The following SPEF2 variants were observed in gnomAD, a reference collection of about 807,000 sequenced individuals.
SPEF2 encodes the protein sperm flagellar and cilia associated 2.
In SPEF2, 187 loss-of-function variants were observed where a neutral mutation model predicts 224.6. That is an observed-to-expected ratio of 0.83 (90% CI 0.74 to 0.94). The LOEUF (loss-of-function observed/expected upper bound fraction) is 0.94. Ranked by LOEUF, SPEF2 falls within the 40% of genes least tolerant of loss-of-function variation. The pLI is 0.00. For missense variants in SPEF2, 2,170 were observed against 2,135.6 expected, an observed-to-expected ratio of 1.02 and a Z score of -0.32; for synonymous variants, 715 against 707.3, an observed-to-expected ratio of 1.01 and a Z score of -0.17.
chr5:35,658,870 A>AT (rs1425124994), intron 7 of SPEF2, 149 bp from the exon 8 acceptor site: 45 of 538,848 alleles, frequency 8.4e-5, no homozygotes, highest in South Asian at 1.8e-4. Flanking sequence ...TCATAACATG[A>AT]TTTTTTTTGC....
intron 21 of SPEF2, among the ~76,000 whole-genome samples, chr5:35,737,697 A>G (rs563388614): frequency 6.6e-6 from 1 of 152,334 alleles, no homozygotes; most frequent in African/African-American, 2.4e-5. Context: ...TCTTTATAGC[A>G]GCATGATTGA....
chr5:35,806,222 A>G (rs577291061), intron 34 of SPEF2, among the ~76,000 whole-genome samples: 1 of 152,308 alleles, frequency 6.6e-6, no homozygotes, highest in Admixed American at 6.5e-5. Flanking sequence ...CTGATTTTGT[A>G]CACTGGATTT....
At chr5:35,777,645 A>T (rs539745044) in intron 29 of SPEF2, among the ~76,000 whole-genome samples, 17 of 150,070 alleles carry the variant, frequency 1.1e-4, no homozygotes, top group African/African-American at 4.2e-4. Context: ...ACAAGAAGTT[A>T]AAACCTAGAA....
At chr5:35,808,456 G>T (rs556029096) in intron 36 of SPEF2, among the ~76,000 whole-genome samples, 59 of 151,988 alleles carry the variant, frequency 3.9e-4, no homozygotes, top group African/African-American at 1.2e-3. Flanking sequence ...GTGTCCAAGG[G>T]TTCTCATTGT....
intron 33 of SPEF2, among the ~76,000 whole-genome samples, chr5:35,797,742 G>A (rs892020803): frequency 6.6e-5 from 10 of 152,176 alleles, no homozygotes; most frequent in African/African-American, 2.4e-4. Flanking sequence ...AACAACAAAA[G>A]ATGTTTGTTT....
At chr5:35,654,259 C>CAA (rs1301055104) in intron 6 of SPEF2, among the ~76,000 whole-genome samples, 4 of 120,630 alleles carry the variant, frequency 3.3e-5, no homozygotes, top group Non-Finnish European at 1.8e-5. Context: ...AACTTTATCT[C>CAA]AAAAAAAAAA....
intron 10 of SPEF2, among the ~76,000 whole-genome samples, chr5:35,674,766 G>A (rs1230663088): frequency 6.6e-6 from 1 of 152,052 alleles, no homozygotes; most frequent in African/African-American, 2.4e-5. Flanking sequence ...CCATCACATT[G>A]GAGGTTAGGG....
Position 35,781,750 on chromosome 5 carries a change from C to A in SPEF2, c.4447+2404C>A, listed in dbSNP as rs895069853. ...CAGTTTAAACTCTTTTCTCTATTAG[C>A]TCAATTATACCATTTGAAAAAATAT... On this transcript the variant is annotated intron_variant, in intron 30 of 36. Coordinates refer to ENST00000356031, the MANE Select transcript of SPEF2 (RefSeq NM_024867.4). 2.6e-5 allele frequency: 4 copies of A among 152,148 alleles called. 1 individual carries two copies. The allele number at this position is 152,148 out of a possible 1,614,324, so 9.4% of individuals were successfully genotyped here. A position where few individuals can be genotyped will look rare whatever the true frequency, so the allele number is the denominator to read the frequency against.
intron 20 of SPEF2, among the ~76,000 whole-genome samples, chr5:35,715,816 CTTTT>C (rs1554040257): frequency 5.9e-5 from 7 of 117,934 alleles, no homozygotes; most frequent in Non-Finnish European, 1.0e-4. Context: ...GATATAATTT[CTTTT>C]TTTTTTTTTT....
chr5:35,674,337 C>CTTTTTTTTTTTTTTTTTTTTTTT (rs35129181), intron 10 of SPEF2, among the ~76,000 whole-genome samples: 1 of 94,464 alleles, frequency 1.1e-5, no homozygotes, highest in Non-Finnish European at 2.1e-5. Context: ...TTTTCGTCTT[C>CTTTTTTTTTTTTTTTTTTTTTTT]TTTTTTTTTT....
intron 2 of SPEF2, among the ~76,000 whole-genome samples, chr5:35,639,853 G>A (rs16902367): frequency 0.014 from 2,168 of 151,948 alleles, 51 homozygotes; most frequent in African/African-American, 0.05. Flanking sequence ...TGTCTCCAGA[G>A]CAAAGATGTC....
In SPEF2 at chr5:35,700,692, T is replaced by G. The variant is rs762636723; in HGVS notation, c.2338T>G (p.Phe780Val). Residue 780 changes from phenylalanine (F) to valine (V), a missense_variant, in exon 16 of 37, where the codon TTT becomes GTT. Phe to Val is a conservative substitution (Grantham distance 50, BLOSUM62 -1). Coordinates refer to ENST00000356031, the MANE Select transcript of SPEF2 (RefSeq NM_024867.4). ...ACCTCTTCCCTCTCCTGCATTTGAT[T>G]TTGTCATATTATTAGATGTTTCAGA... ...EIPLPSPAFD[F>V]VILLDVSDTS... 2 of 1,613,974 alleles carry G rather than the reference T, an allele frequency of 1.2e-6. No homozygotes were observed. Among genetic ancestry groups the G allele is most frequent in the South Asian group, 2.2e-5 (2 of 91,080 alleles).
intron 2 of SPEF2, among the ~76,000 whole-genome samples, chr5:35,639,734 G>A (rs2149397060): frequency 6.6e-6 from 1 of 151,706 alleles, no homozygotes; most frequent in African/African-American, 2.4e-5. Context: ...TGTAAGAAGA[G>A]GTATTCCCTC....
chr5:35,678,166 A>G (rs898724654), intron 10 of SPEF2, among the ~76,000 whole-genome samples: 50 of 152,330 alleles, frequency 3.3e-4, no homozygotes, highest in African/African-American at 1.2e-3. Context: ...CTGTTTTCGT[A>G]CCATTAGATT....
At chr5:35,660,569 C>G (rs763142573) in intron 8 of SPEF2, among the ~76,000 whole-genome samples, 1 of 152,142 alleles carries the variant, frequency 6.6e-6, no homozygotes, top group Non-Finnish European at 1.5e-5. Context: ...GAGAGAGAAC[C>G]ATACCCCATG....
At chr5:35,622,952 G>C (rs1023201203) in intron 1 of SPEF2, among the ~76,000 whole-genome samples, 5 of 152,194 alleles carry the variant, frequency 3.3e-5, no homozygotes, top group African/African-American at 1.2e-4. Flanking sequence ...GGATAAAATT[G>C]TGAAGACTGA....
intron 14 of SPEF2, among the ~76,000 whole-genome samples, 160 bp from the exon 15 acceptor site, chr5:35,697,530 T>C (rs1200410531): frequency 6.6e-6 from 1 of 152,220 alleles, no homozygotes; most frequent in Admixed American, 6.5e-5. Flanking sequence ...TCAAATTCTG[T>C]GCACACATTT....
At chr5:35,630,731 A>G (rs1174389359) in intron 2 of SPEF2, among the ~76,000 whole-genome samples, 1 of 152,034 alleles carries the variant, frequency 6.6e-6, no homozygotes, top group African/African-American at 2.4e-5. Context: ...TTCCACCAGA[A>G]ACCCTAAATC....
chr5:35,776,756 T>C (rs1353986552), intron 29 of SPEF2, among the ~76,000 whole-genome samples: 3 of 152,240 alleles, frequency 2.0e-5, no homozygotes, highest in Non-Finnish European at 4.4e-5. Context: ...GGTAGATTTA[T>C]TATCAGTCAG....
Sources: gnomAD v4.1 joint callset for allele counts (sites outside exome capture counted in the v4.1 genomes callset) on GRCh38, gnomAD v4.1.1 for gene constraint, MANE v1.5 for transcripts, NCBI Gene and HGNC (gene_info 2026-07-23, HGNC 2026-07-21) for gene names.